Variants in MKX observed in about 807,000 individuals in gnomAD.
MKX encodes the protein mohawk homeobox.
MKX carries 13 observed loss-of-function variants against 36.0 expected under a neutral mutation model. The observed-to-expected ratio is 0.36, with a 90% CI of 0.24 to 0.57. MKX has a LOEUF of 0.57. Among genes scored for constraint, MKX ranks in the 20% least tolerant of loss-of-function variants. The pLI is 0.79. For missense variants in MKX, 458 were observed against 456.4 expected (o/e 1.00, Z -0.03); for synonymous variants, 176 against 178.3 (o/e 0.99, Z 0.10).
At chr10:27,729,932 G>T (rs1212468152) in intron 5 of MKX, among the ~76,000 whole-genome samples, 1 of 151,936 alleles carries the variant, frequency 6.6e-6, no homozygotes, top group Non-Finnish European at 1.5e-5. Context: ...TACACCGGGG[G>T]TCCTTATCCT....
rs1320378337 is a variant in MKX, at chr10:27,701,456, G to A, written c.839-25902C>T. On this transcript the variant is annotated intron_variant, in intron 5 of 6. Coordinates refer to ENST00000419761, the MANE Select transcript of MKX (RefSeq NM_173576.3). ...ATATAAAATACATAAGTATATAAAA[G>A]ATTAAAATTATATATAAAAGGTGTA... Among the ~76,000 whole-genome samples the A allele has an allele frequency of 2.1e-5, 3 of 144,104 alleles. No homozygotes were observed. In the Admixed American group the frequency reaches 2.1e-4, roughly 10 times the overall value. 94.5% of individuals were successfully genotyped at this position (144,104 alleles called of 152,430 possible).
intron 5 of MKX, among the ~76,000 whole-genome samples, chr10:27,687,521 C>T (rs1054728008): frequency 2.6e-5 from 4 of 152,182 alleles, no homozygotes; most frequent in Admixed American, 6.5e-5. Flanking sequence ...GCTCTTTAGT[C>T]ATTTCCTGAT....
rs1250576858 is a variant in MKX, at chr10:27,741,920, C to T, written c.189-416G>A. 6.6e-6 allele frequency among the ~76,000 whole-genome samples: 1 copy of T among 152,204 alleles called. No homozygotes were observed. Among genetic ancestry groups the T allele is most frequent in the African/African-American group, 2.4e-5 (1 of 41,474 alleles). On this transcript the variant is annotated intron_variant, in intron 2 of 6. Transcript: ENST00000419761. The surrounding 1 kb of genome is among the most constrained non-coding windows in gnomAD (Gnocchi z 5.1). Reference sequence around the variant, plus strand: ...TATGCGGCTGGCTCTCGAAACTTCCCTCGGGGATCTCTTGTCTGCTCCCAG... The same window carrying T: ...TATGCGGCTGGCTCTCGAAACTTCCTTCGGGGATCTCTTGTCTGCTCCCAG...
intron 5 of MKX, among the ~76,000 whole-genome samples, chr10:27,726,652 C>T (rs185257633): frequency 1.6e-3 from 249 of 151,378 alleles, no homozygotes; most frequent in African/African-American, 5.8e-3. Flanking sequence ...TTTCATTTTA[C>T]TCTTTCTATG....
intron 5 of MKX, among the ~76,000 whole-genome samples, chr10:27,680,572 T>C (rs1434804143): frequency 6.6e-6 from 1 of 152,116 alleles, no homozygotes; most frequent in African/African-American, 2.4e-5. Context: ...CTGTGAAAAA[T>C]GCAACTCAGA....
At position 27,685,025 on chromosome 10, in the gene MKX, C is replaced by T. The variant is rs72629770; in HGVS notation, c.839-9471G>A. ...ATTTGGTTAAATGCCTGCAATGACC[C>T]TGTGTGACAGCACCACCACCCTTAT... On this transcript the variant is annotated intron_variant, in intron 5 of 6. Coordinates refer to ENST00000419761, the MANE Select transcript of MKX (RefSeq NM_173576.3). Among the ~76,000 whole-genome samples, 3,844 of 152,246 alleles carry T rather than the reference C, an allele frequency of 0.025. 283 individuals carry two copies. In the East Asian group the frequency reaches 0.25, roughly 10 times the overall value.
intron 5 of MKX, among the ~76,000 whole-genome samples, chr10:27,690,371 AAAAAC>A (rs59668453): frequency 4.0e-5 from 6 of 150,016 alleles, no homozygotes; most frequent in South Asian, 2.1e-4. Flanking sequence ...CTCCATCTCA[AAAAAC>A]AAAACAAAAC....
intron 5 of MKX, among the ~76,000 whole-genome samples, chr10:27,677,437 G>C (rs189009645): frequency 6.6e-6 from 1 of 152,134 alleles, no homozygotes; most frequent in African/African-American, 2.4e-5. Flanking sequence ...GGTCTGAGAA[G>C]AATAACGTCA....
chr10:27,723,783 C>T (rs1048356611), intron 5 of MKX, among the ~76,000 whole-genome samples: 1 of 152,156 alleles, frequency 6.6e-6, no homozygotes, highest in African/African-American at 2.4e-5. Context: ...AATTTTGGCC[C>T]TTAGCAAAAG....
intron 5 of MKX, among the ~76,000 whole-genome samples, chr10:27,697,597 T>C (rs897480146): frequency 6.6e-6 from 1 of 152,214 alleles, no homozygotes; most frequent in Non-Finnish European, 1.5e-5. Context: ...AGTCAGATCT[T>C]CTCATTTCAA....
At chr10:27,698,684 G>T (rs1399530428) in intron 5 of MKX, among the ~76,000 whole-genome samples, 1 of 152,154 alleles carries the variant, frequency 6.6e-6, no homozygotes, top group East Asian at 1.9e-4. Context: ...GTGTTTTCAG[G>T]ACCTTCCTGT....
At chr10:27,697,725 T>G (rs1265661231) in intron 5 of MKX, among the ~76,000 whole-genome samples, 6 of 152,202 alleles carry the variant, frequency 3.9e-5, no homozygotes. Flanking sequence ...TGACAGGCCC[T>G]CAAAATACAA....
At chr10:27,723,936 T>C (rs887734847) in intron 5 of MKX, among the ~76,000 whole-genome samples, 1 of 152,222 alleles carries the variant, frequency 6.6e-6, no homozygotes, top group Non-Finnish European at 1.5e-5. Context: ...CAGGCAACTA[T>C]GTGAAAACTT....
intron 5 of MKX, among the ~76,000 whole-genome samples, chr10:27,714,349 T>C (rs996539372): frequency 6.6e-6 from 1 of 152,238 alleles, no homozygotes; most frequent in Non-Finnish European, 1.5e-5. Context: ...AACCTTTGGC[T>C]TTAATGATAG....
intron 5 of MKX, among the ~76,000 whole-genome samples, chr10:27,681,659 G>A (rs1325459091): frequency 6.6e-5 from 10 of 152,104 alleles, no homozygotes; most frequent in African/African-American, 1.9e-4. Context: ...GGTGGCTCAC[G>A]CCTGTAATCC....
In MKX at chr10:27,741,538, G is replaced by A. The variant is rs751216312; in HGVS notation, c.189-34C>T. On this transcript the variant is annotated intron_variant, in intron 2 of 6. Transcript: ENST00000419761. This position sits in a 1 kb window ranked among gnomAD's most constrained non-coding sequence, Gnocchi z 5.1. ...TGGGGAGAGGAGGCGGCCCTGGTGA[G>A]CGACGCGTTTGCCCGCCCGGACGCT... The A allele has an allele frequency of 4.6e-6, 7 of 1,537,802 alleles. No individual in the cohort carries two copies. Among genetic ancestry groups the A allele is most frequent in the Non-Finnish European group, 5.2e-6 (6 of 1,149,292 alleles).
In MKX at chr10:27,742,042, T is replaced by C. The variant is rs1008772467; in HGVS notation, c.189-538A>G. Among the ~76,000 whole-genome samples, 1 of 152,248 alleles carries C rather than the reference T, an allele frequency of 6.6e-6. No homozygotes were observed. The highest frequency in any genetic ancestry group is 2.4e-5 in the African/African-American group (1 of 41,470). ...CCGCCCCGGCTCTCTTTAAGCTATT[T>C]CCTTTGATCTTTTAGGAAAAGGGGG... On this transcript the variant is annotated intron_variant, in intron 2 of 6. Transcript: ENST00000419761. This position sits in a 1 kb window ranked among gnomAD's most constrained non-coding sequence, Gnocchi z 4.2.
intron 5 of MKX, among the ~76,000 whole-genome samples, chr10:27,680,239 T>A (rs1836230251): frequency 6.6e-6 from 1 of 152,096 alleles, no homozygotes; most frequent in African/African-American, 2.4e-5. Flanking sequence ...TGAGCTAAAA[T>A]GCCTTTTTAG....
chr10:27,718,219 G>A (rs1836998795), intron 5 of MKX, among the ~76,000 whole-genome samples: 2 of 151,912 alleles, frequency 1.3e-5, no homozygotes, highest in African/African-American at 2.4e-5. Flanking sequence ...AGAAGAAGAA[G>A]AAAAAGAAGA....
Sources: gnomAD v4.1 joint callset for allele counts (sites outside exome capture counted in the v4.1 genomes callset) on GRCh38, gnomAD v4.1.1 for gene constraint, Gnocchi (gnomAD v3.1) non-coding constraint, MANE v1.5 for transcripts, NCBI Gene and HGNC (gene_info 2026-07-23, HGNC 2026-07-21) for gene names.